Variants in ANKRD18B observed in about 807,000 individuals in gnomAD.
ANKRD18B encodes ankyrin repeat domain 18B.
Under a neutral mutation model 111.8 loss-of-function variants are expected in ANKRD18B, and 75 were observed. The ratio of observed to expected loss-of-function variants is 0.67; its 90% confidence interval spans 0.56 to 0.81. The LOEUF (loss-of-function observed/expected upper bound fraction) is 0.81. Ranked by LOEUF, ANKRD18B falls within the 40% of genes least tolerant of loss-of-function variation. The pLI is 0.00. For synonymous variants in ANKRD18B, 356 were observed against 417.3 expected, an observed-to-expected ratio of 0.85 and a Z score of 1.79; for missense variants, 1,038 against 1,225.5, an observed-to-expected ratio of 0.85 and a Z score of 2.28.
chr9:33,570,373 A>G (rs536791823), intron 17 of ANKRD18B, among the ~76,000 whole-genome samples: 2 of 152,162 alleles, frequency 1.3e-5, no homozygotes, highest in African/African-American at 2.4e-5. Flanking sequence ...GATGGGTTCA[A>G]TTGTACTCCA....
intron 16 of ANKRD18B, 32 bp from the exon 17 acceptor site, chr9:33,568,639 A>G: frequency 6.8e-7 from 1 of 1,464,668 alleles, no homozygotes; most frequent in Non-Finnish European, 9.0e-7. Flanking sequence ...GTAAAATGAA[A>G]TACTAAGCAT....
intron 6 of ANKRD18B, among the ~76,000 whole-genome samples, chr9:33,537,518 A>G (rs1486323527): frequency 1.3e-5 from 2 of 152,166 alleles, no homozygotes; most frequent in Admixed American, 1.3e-4. Flanking sequence ...ATTAATATAA[A>G]TAAGAAATTA....
At position 33,550,441 on chromosome 9, in the gene ANKRD18B, A is replaced by C. The variant is rs1023122811; in HGVS notation, c.2079A>C (p.Arg693Ser). 4.0e-5 allele frequency: 61 copies of C among 1,538,928 alleles called. No individual in the cohort carries two copies. The highest frequency in any genetic ancestry group is 5.0e-5 in the Non-Finnish European group (57 of 1,142,774). Residue 693 changes from arginine to serine, a missense_variant, in exon 12 of 19, where the codon AGA (arginine) becomes AGC (serine). Around this residue, in one of 4 missense-constraint regions of ANKRD18B, gnomAD observed 524 missense variants for 677.9 expected, o/e 0.77. Coordinates refer to ENST00000684830, the MANE Select transcript of ANKRD18B (RefSeq NM_001393611.1). ...KEKAEREVIV[R>S]EFQEELVDHL... is the part of the protein sequence containing the mutation. Reference sequence around the variant, plus strand: ...AAATATTTTGTCAGGTGATTGTGAGAGAATTTCAAGAAGAACTGGTCGATC... The same window carrying C: ...AAATATTTTGTCAGGTGATTGTGAGCGAATTTCAAGAAGAACTGGTCGATC...
intron 12 of ANKRD18B, among the ~76,000 whole-genome samples, chr9:33,552,398 C>T (rs893707123): frequency 3.9e-5 from 6 of 152,206 alleles, no homozygotes; most frequent in East Asian, 3.8e-4. Flanking sequence ...TTAATCCTAG[C>T]GCTCAGCAGA....
chr9:33,545,292 A>G (rs1052083883), intron 10 of ANKRD18B, among the ~76,000 whole-genome samples: 8 of 152,218 alleles, frequency 5.3e-5, no homozygotes, highest in Non-Finnish European at 7.3e-5. Context: ...CTGAAATGAA[A>G]AAAGACCAAG....
At chr9:33,531,207 A>G (rs1828111738) in intron 3 of ANKRD18B, among the ~76,000 whole-genome samples, 1 of 152,222 alleles carries the variant, frequency 6.6e-6, no homozygotes, top group Non-Finnish European at 1.5e-5. Flanking sequence ...ATTGCAAATG[A>G]ATAAATGTTG....
intron 13 of ANKRD18B, among the ~76,000 whole-genome samples, chr9:33,557,274 A>G (rs1377001356): frequency 2.6e-5 from 4 of 151,960 alleles, no homozygotes; most frequent in Non-Finnish European, 4.4e-5. Flanking sequence ...CTCTTTTTCT[A>G]CATTGAATAA....
At chr9:33,527,120 C>A (rs1159324710) in intron 1 of ANKRD18B, among the ~76,000 whole-genome samples, 1 of 152,128 alleles carries the variant, frequency 6.6e-6, no homozygotes, top group Non-Finnish European at 1.5e-5. Flanking sequence ...CAAGCAAAAG[C>A]ATTTCTGAAG....
chr9:33,526,690 C>A (rs1480095526), intron 1 of ANKRD18B, among the ~76,000 whole-genome samples: 3 of 152,040 alleles, frequency 2.0e-5, no homozygotes, highest in Non-Finnish European at 2.9e-5. Context: ...GAACTTTTAG[C>A]TTCTTCAGAA....
At chr9:33,541,749 C>G (rs1356024228) in intron 9 of ANKRD18B, among the ~76,000 whole-genome samples, 1 of 152,034 alleles carries the variant, frequency 6.6e-6, no homozygotes, top group Non-Finnish European at 1.5e-5. Flanking sequence ...AAATGTTGGT[C>G]TTTTTCTCGG....
chr9:33,560,361 C>A (rs1187184371), intron 14 of ANKRD18B, among the ~76,000 whole-genome samples: 1 of 152,222 alleles, frequency 6.6e-6, no homozygotes, highest in Non-Finnish European at 1.5e-5. Flanking sequence ...GTGGCTCCAC[C>A]CCAACCCCCC....
At chr9:33,545,216 T>A (rs548383) in intron 10 of ANKRD18B, among the ~76,000 whole-genome samples, 2 of 152,090 alleles carry the variant, frequency 1.3e-5, no homozygotes, top group Admixed American at 6.6e-5. Context: ...CTCACAGAGA[T>A]GAAGAAGAAA....
At position 33,566,313 on chromosome 9, in the gene ANKRD18B, T is replaced by C. The variant is rs965812983; in HGVS notation, c.2555T>C (p.Met852Thr). ...GTTCTTCATCAGGAGTTATTATCTA[T>C]GGGAAAAGTACAAGAGAAATGTGAA... ...NEVLHQELLS[M>T]GKVQEKCEKL... The change falls in exon 15 of 19, where the codon ATG becomes ACG. Residue 852 changes from methionine (M) to threonine (T), a missense_variant. Around this residue, in one of 4 missense-constraint regions of ANKRD18B, gnomAD observed 524 missense variants for 677.9 expected, o/e 0.77. Coordinates refer to ENST00000684830, the MANE Select transcript of ANKRD18B (RefSeq NM_001393611.1). 3.8e-6 allele frequency: 6 copies of C among 1,562,720 alleles called. No individual in the cohort carries two copies. The African/African-American group carries it at 6.8e-5, about 18-fold the overall frequency.
chr9:33,537,158 A>C (rs1828213986), intron 6 of ANKRD18B, among the ~76,000 whole-genome samples: 1 of 151,940 alleles, frequency 6.6e-6, no homozygotes, highest in African/African-American at 2.4e-5. Flanking sequence ...TTAGCTGGGC[A>C]TCATGGTGGG....
intron 12 of ANKRD18B, among the ~76,000 whole-genome samples, chr9:33,553,765 A>G (rs1165528238): frequency 6.6e-6 from 1 of 152,222 alleles, no homozygotes; most frequent in African/African-American, 2.4e-5. Flanking sequence ...TCTGTTTCTC[A>G]TGGGAAAGTT....
At chr9:33,530,612 C>G (rs1422448384) in intron 3 of ANKRD18B, among the ~76,000 whole-genome samples, 1 of 150,854 alleles carries the variant, frequency 6.6e-6, no homozygotes, top group East Asian at 1.9e-4. Flanking sequence ...GATATAAATT[C>G]CCGTATCTCA....
intron 1 of ANKRD18B, among the ~76,000 whole-genome samples, chr9:33,527,075 G>A (rs914041070): frequency 5.3e-5 from 8 of 152,126 alleles, no homozygotes; most frequent in South Asian, 2.1e-4. Context: ...GGAATAGTAG[G>A]ACTTAATCTC....
chr9:33,568,742 G>C lies in ANKRD18B; in HGVS notation c.3026G>C (p.Ser1009Thr). Residue 1009 changes from serine to threonine, a missense_variant, in exon 17 of 19, where the codon AGC (serine) becomes ACC (threonine). This residue lies in a region of ANKRD18B where 524 missense variants were observed against 677.9 expected (regional missense o/e 0.77). Coordinates refer to ENST00000684830, the MANE Select transcript of ANKRD18B (RefSeq NM_001393611.1). ...MEKERMEYFLSTLPMRPDPEL... is the reference protein window; with the variant it reads ...MEKERMEYFLTTLPMRPDPEL... ...AAAGAGCGGATGGAATATTTTCTCA[G>C]CACTCTTCCTATGAGGCCAGACCCA... 6.4e-7 allele frequency: 1 copy of C among 1,551,366 alleles called. No homozygotes were observed. The highest frequency in any genetic ancestry group is 1.2e-5 in the South Asian group (1 of 84,010).
chr9:33,533,881 T>TATC (rs369353255), intron 4 of ANKRD18B: 1 of 96,518 alleles, frequency 1.0e-5, no homozygotes, highest in South Asian at 3.2e-4. Context: ...CTATTACCAT[T>TATC]ATCATTATTA....
Sources: gnomAD v4.1 joint callset for allele counts (sites outside exome capture counted in the v4.1 genomes callset) on GRCh38, gnomAD v4.1.1 for gene constraint, gnomAD v4.1.1 regional missense constraint, MANE v1.5 for transcripts, NCBI Gene and HGNC (gene_info 2026-07-23, HGNC 2026-07-21) for gene names.